The following PTPRD variants were observed in gnomAD, a reference collection of about 807,000 sequenced individuals.
PTPRD encodes protein tyrosine phosphatase receptor type D.
Under a neutral mutation model 214.5 loss-of-function variants are expected in PTPRD, and 34 were observed. The ratio of observed to expected loss-of-function variants is 0.16; its 90% CI spans 0.12 to 0.21. PTPRD has a LOEUF of 0.21. PTPRD is among the 10% of genes least tolerant of loss of function. The pLI, the probability that PTPRD is intolerant of heterozygous loss-of-function variation, is 1.00. For missense variants in PTPRD, 2,545 were observed against 2,398.7 expected, an observed-to-expected ratio of 1.06 and a Z score of -1.27; for synonymous variants, 1,128 against 845.7, an observed-to-expected ratio of 1.33 and a Z score of -5.79.
intron 4 of PTPRD, among the ~76,000 whole-genome samples, chr9:10,017,980 T>C (rs1013871380): frequency 1.3e-5 from 2 of 152,176 alleles, no homozygotes; most frequent in African/African-American, 4.8e-5. Flanking sequence ...ATTCTAGGAC[T>C]TAGCTTCTAC....
chr9:9,471,398 T>C (rs962690768), intron 8 of PTPRD, among the ~76,000 whole-genome samples: 2 of 152,178 alleles, frequency 1.3e-5, no homozygotes, highest in Non-Finnish European at 2.9e-5. Context: ...TCATATTTCA[T>C]TGGTGACTTA....
chr9:9,589,808 T>C (rs73641326), intron 7 of PTPRD, among the ~76,000 whole-genome samples: 7,710 of 152,042 alleles, frequency 0.051, 459 homozygotes, highest in African/African-American at 0.14. Flanking sequence ...TAAACACACA[T>C]AGTAGTGATT....
intron 9 of PTPRD, among the ~76,000 whole-genome samples, chr9:9,258,634 C>T (rs112762754): frequency 2.6e-5 from 4 of 151,890 alleles, no homozygotes; most frequent in African/African-American, 9.6e-5. Context: ...TTTTCTAACT[C>T]ACCTTTCTTT....
rs532388328 is a variant in PTPRD, at chr9:9,663,347, ATAAACT to A, written c.-287+71180_-287+71185del. 2.5e-3 allele frequency among the ~76,000 whole-genome samples: 386 copies of A among 151,698 alleles called. 2 individuals are homozygous for A. The highest frequency in any genetic ancestry group is 8.7e-3 in the African/African-American group (362 of 41,524). On this transcript the variant is annotated intron_variant, in intron 7 of 45. Coordinates refer to ENST00000381196, the MANE Select transcript of PTPRD (RefSeq NM_002839.4). ...TTATATGAAATCACTAGTTATATCAATAAACTTAATTTCAAAGAAATACTAAAGAAA... is the reference window on the plus strand; with the variant it reads ...TTATATGAAATCACTAGTTATATCAATAATTTCAAAGAAATACTAAAGAAA...
chr9:9,760,651 C>G (rs79265670), intron 6 of PTPRD, among the ~76,000 whole-genome samples: 1 of 71,504 alleles, frequency 1.4e-5, no homozygotes, highest in African/African-American at 5.2e-5. Context: ...CACACACACA[C>G]ACATATATAT....
chr9:10,552,287 T>A (rs138684691), intron 2 of PTPRD, among the ~76,000 whole-genome samples: 225 of 152,246 alleles, frequency 1.5e-3, no homozygotes, highest in African/African-American at 5.3e-3. Context: ...GGTATCATCA[T>A]TCCAGTCCAA....
intron 3 of PTPRD, among the ~76,000 whole-genome samples, chr9:10,248,888 G>C (rs532632856): frequency 1.5e-5 from 2 of 131,816 alleles, no homozygotes; most frequent in Non-Finnish European, 3.4e-5. Flanking sequence ...CTTTTTTTTA[G>C]CAATATTGAT....
intron 9 of PTPRD, among the ~76,000 whole-genome samples, chr9:9,282,876 A>G (rs977177275): frequency 6.6e-6 from 1 of 151,510 alleles, no homozygotes; most frequent in Non-Finnish European, 1.5e-5. Context: ...TTAGGAGCAC[A>G]TTATAAGTTG....
Position 8,651,495 on chromosome 9 carries a change from A to T in PTPRD, c.65-14651T>A, listed in dbSNP as rs192894828. ...TTGGTTTGTAGATGGAAATAAACCC[A>T]TGAAGAACTTTAATAAAATGAGTTC... is the stretch of plus-strand genomic sequence containing the variant. On this transcript the variant is annotated intron_variant, in intron 12 of 45. Transcript: ENST00000381196. 2.6e-5 allele frequency among the ~76,000 whole-genome samples: 4 copies of T among 152,332 alleles called. No homozygotes were observed. The East Asian group carries it at 7.7e-4, about 29-fold the overall frequency.
At chr9:9,103,601 C>T (rs1345626475) in intron 10 of PTPRD, among the ~76,000 whole-genome samples, 1 of 151,822 alleles carries the variant, frequency 6.6e-6, no homozygotes, top group Admixed American at 6.6e-5. Flanking sequence ...TTAGCGTATC[C>T]TTTGCTTCCA....
At chr9:9,754,118 G>A (rs1485564340) in intron 6 of PTPRD, among the ~76,000 whole-genome samples, 2 of 152,054 alleles carry the variant, frequency 1.3e-5, no homozygotes, top group Admixed American at 6.6e-5. Context: ...AGTAAAAACT[G>A]ATTGCTTGAA....
At chr9:10,598,674 ATGTGTGTGTG>A (rs36093644) in intron 2 of PTPRD, among the ~76,000 whole-genome samples, 2 of 143,796 alleles carry the variant, frequency 1.4e-5, no homozygotes, top group African/African-American at 5.1e-5. Context: ...TTATATATGT[ATGTGTGTGTG>A]TGTGTGTGTG....
At chr9:9,242,045 G>A (rs1363484542) in intron 9 of PTPRD, among the ~76,000 whole-genome samples, 1 of 152,000 alleles carries the variant, frequency 6.6e-6, no homozygotes, top group Non-Finnish European at 1.5e-5. Flanking sequence ...GCCTGGTGGT[G>A]ACAAAATCTC....
intron 8 of PTPRD, among the ~76,000 whole-genome samples, chr9:9,523,938 G>A (rs922194785): frequency 6.6e-6 from 1 of 152,130 alleles, no homozygotes; most frequent in Non-Finnish European, 1.5e-5. Context: ...CTTCAGGAGC[G>A]AGCAGGTGAC....
chr9:8,822,548 C>T (rs1275933496), intron 11 of PTPRD, among the ~76,000 whole-genome samples: 1 of 152,136 alleles, frequency 6.6e-6, no homozygotes, highest in Non-Finnish European at 1.5e-5. Context: ...TGTTAAAACG[C>T]TACCACAGGA....
chr9:8,754,971 C>G (rs139568676), intron 11 of PTPRD, among the ~76,000 whole-genome samples: 190 of 152,072 alleles, frequency 1.2e-3, no homozygotes, highest in Middle Eastern at 6.8e-3. Flanking sequence ...ACAATGTTAG[C>G]CATTAAAGAA....
At chr9:9,724,712 G>A (rs921820988) in intron 7 of PTPRD, among the ~76,000 whole-genome samples, 2 of 152,156 alleles carry the variant, frequency 1.3e-5, no homozygotes, top group Non-Finnish European at 2.9e-5. Context: ...TGATATTGTT[G>A]TAAGCACTAC....
intron 8 of PTPRD, among the ~76,000 whole-genome samples, chr9:9,433,110 AG>A (rs2143417019): frequency 6.6e-6 from 1 of 152,328 alleles, no homozygotes; most frequent in African/African-American, 2.4e-5. Context: ...CCAGAGAAGA[AG>A]AAAAAGTAAA....
chr9:8,752,170 A>G lies in PTPRD; in HGVS notation c.-103-18224T>C, dbSNP rs565539497. On this transcript the variant is annotated intron_variant, in intron 11 of 45. Transcript: ENST00000381196. The stretch of plus-strand genomic sequence containing the variant: ...TACTGGGCTGCATTCTCAGACGGTT[A>G]GGGCATTCTAAGTCACAGGATGAGA... Among the ~76,000 whole-genome samples the G allele has an allele frequency of 8.3e-4, 126 of 152,288 alleles. No homozygotes were observed. In the Middle Eastern group the frequency reaches 0.01, roughly 12 times the overall value.
Sources: gnomAD v4.1 joint callset for allele counts (sites outside exome capture counted in the v4.1 genomes callset) on GRCh38, gnomAD v4.1.1 for gene constraint, MANE v1.5 for transcripts, NCBI Gene and HGNC (gene_info 2026-07-23, HGNC 2026-07-21) for gene names.